HMCN2: variants seen among roughly 807,000 people sequenced by gnomAD.
The protein encoded by HMCN2 is hemicentin 2.
In HMCN2, 325 loss-of-function variants were observed where a neutral mutation model predicts 377.5. That is an observed-to-expected ratio of 0.86 (90% CI 0.79 to 0.94). HMCN2 has a LOEUF of 0.94. Among genes scored for constraint, HMCN2 ranks in the 40% least tolerant of loss-of-function variants. The pLI is 0.00. For missense variants in HMCN2, 4,543 were observed against 4,725.3 expected (o/e 0.96, Z 1.13); for synonymous variants, 2,007 against 2,046.8 (o/e 0.98, Z 0.53).
intron 11 of HMCN2, among the ~76,000 whole-genome samples, chr9:130,305,817 G>A (rs575201685): frequency 6.4e-4 from 98 of 152,292 alleles, no homozygotes; most frequent in African/African-American, 2.3e-3. Flanking sequence ...CCCAGCCCTG[G>A]TAGCTGCCTG....
At chr9:130,429,972 C>T (rs1029569103) in intron 94 of HMCN2, 3 of 597,608 alleles carry the variant, frequency 5.0e-6, no homozygotes, top group Non-Finnish European at 8.6e-6. Context: ...ACTGTGGAGG[C>T]AAGTGGGTGT....
At position 130,353,147 on chromosome 9, in the gene HMCN2, C is replaced by T. The variant is rs924614064; in HGVS notation, c.4806C>T (p.Thr1602=). 1.5e-6 allele frequency: 2 copies of T among 1,304,082 alleles called. No individual in the cohort carries two copies. The highest frequency in any genetic ancestry group is 1.5e-5 in the African/African-American group (1 of 65,884). The allele number at this position is 1,304,082 out of a possible 1,614,324, so 80.8% of individuals were successfully genotyped here. The change falls in exon 31 of 98, where the codon ACC becomes ACT. Residue 1602 remains threonine (T), a synonymous_variant. Coordinates refer to ENST00000683500, the MANE Select transcript of HMCN2 (RefSeq NM_001291815.2). ...AGAGCTCCGATGCCGGCGTCTACAC[C>T]TGCAAGGCCAGCAATGCTGTGGGGG... ...RAQSSDAGVY[T]CKASNAVGAA...
intron 75 of HMCN2, among the ~76,000 whole-genome samples, chr9:130,399,015 G>A (rs1333026266): frequency 6.6e-6 from 1 of 152,130 alleles, no homozygotes; most frequent in Non-Finnish European, 1.5e-5. Flanking sequence ...CACTTTGGGA[G>A]GCTGAGGTGG....
chr9:130,425,324 G>C (rs1844267549), intron 89 of HMCN2, among the ~76,000 whole-genome samples, 194 bp downstream of exon 89: 1 of 152,158 alleles, frequency 6.6e-6, no homozygotes, highest in African/African-American at 2.4e-5. Flanking sequence ...TTGAAGGGAT[G>C]CTCTGAGCCC....
intron 61 of HMCN2, among the ~76,000 whole-genome samples, chr9:130,387,990 G>A (rs1304058228): frequency 6.6e-6 from 1 of 152,234 alleles, no homozygotes; most frequent in African/African-American, 2.4e-5. Flanking sequence ...CCTTTCTGAT[G>A]GCTACATTGA....
chr9:130,352,579 A>G (rs951832743), intron 30 of HMCN2, among the ~76,000 whole-genome samples: 8 of 152,100 alleles, frequency 5.3e-5, no homozygotes, highest in Admixed American at 3.3e-4. Flanking sequence ...CCCTGTGTGA[A>G]GTCCTCATCT....
At chr9:130,346,113 C>T (rs1397664122) in intron 25 of HMCN2, among the ~76,000 whole-genome samples, 12 of 152,034 alleles carry the variant, frequency 7.9e-5, no homozygotes, top group Admixed American at 6.5e-4. Flanking sequence ...AGTGACGTGC[C>T]GATCTGCAAG....
In HMCN2 at chr9:130,362,077, C is replaced by A; in HGVS notation, c.6020C>A (p.Thr2007Asn). 1 of 986,072 alleles carries A rather than the reference C, an allele frequency of 1.0e-6. No individual in the cohort carries two copies. 61.1% of individuals were successfully genotyped at this position (986,072 alleles called of 1,614,324 possible). Residue 2007 changes from threonine (T) to asparagine (N), a missense_variant, in exon 39 of 98, where the codon ACC (threonine) becomes AAC (asparagine). By Grantham distance (65) the Thr-to-Asn change is moderately conservative (BLOSUM62 0). This residue lies in a region of HMCN2 where 1,032 missense variants were observed against 1,285.1 expected (regional missense o/e 0.80). Transcript: ENST00000683500. ...PVLVNTPVRL[T>N]CNATGAPSPT... Reference sequence around the variant, plus strand: ...TTGGTCAACACCCCTGTCCGGCTGACCTGCAATGCCACCGGTGCCCCCAGC... The same window carrying A: ...TTGGTCAACACCCCTGTCCGGCTGAACTGCAATGCCACCGGTGCCCCCAGC...
In HMCN2 at chr9:130,375,997, G is replaced by A. The variant is rs1045494352; in HGVS notation, c.7918+8G>A. On this transcript the variant is annotated splice_region_variant and intron_variant, in intron 51 of 97. Transcript: ENST00000683500. ...ACCATGTGGAAGTGCTCAGTGAGTC[G>A]GGGACCCTGGGGCACAGCCGGGTGG... 1.7e-4 allele frequency: 164 copies of A among 982,392 alleles called. No homozygotes were observed. The highest frequency in any genetic ancestry group is 5.2e-4 in the Middle Eastern group (1 of 1,932). The allele number at this position is 982,392 out of a possible 1,614,324, so 60.9% of individuals were successfully genotyped here. A position where few individuals can be genotyped will look rare whatever the true frequency, so the allele number is the denominator to read the frequency against.
chr9:130,378,218 G>A (rs375314041), intron 53 of HMCN2, among the ~76,000 whole-genome samples: 63 of 151,224 alleles, frequency 4.2e-4, no homozygotes, highest in African/African-American at 1.4e-3. Flanking sequence ...TCTTGCTTGC[G>A]TCAGTGTTTG....
At chr9:130,272,152 T>G (rs1834438224) in intron 1 of HMCN2, among the ~76,000 whole-genome samples, 1 of 149,480 alleles carries the variant, frequency 6.7e-6, no homozygotes, top group African/African-American at 2.4e-5. Flanking sequence ...TTCTTTTGCT[T>G]TTAGTCTTAA....
intron 36 of HMCN2, among the ~76,000 whole-genome samples, chr9:130,358,966 G>A (rs983530284): frequency 2.0e-5 from 3 of 152,216 alleles, no homozygotes; most frequent in African/African-American, 4.8e-5. Context: ...GAGCCACGGT[G>A]GGATTTTTAG....
Position 130,404,865 on chromosome 9 carries a change from G to A in HMCN2, c.12149-4G>A, listed in dbSNP as rs142154249. On this transcript the variant is annotated splice_region_variant and splice_polypyrimidine_tract_variant and intron_variant, in intron 80 of 97. Coordinates refer to ENST00000683500, the MANE Select transcript of HMCN2 (RefSeq NM_001291815.2). ...GTTCCGAGTGGGCCTCCCTCTGCCCGCAGTCCCACCAGTGATCGAGAATGG... is the reference window on the plus strand; with the variant it reads ...GTTCCGAGTGGGCCTCCCTCTGCCCACAGTCCCACCAGTGATCGAGAATGG... 496 of 1,238,168 alleles carry A rather than the reference G, an allele frequency of 4.0e-4. No homozygotes were observed. Among genetic ancestry groups the A allele is most frequent in the Middle Eastern group, 9.2e-4 (4 of 4,362 alleles). 76.7% of individuals were successfully genotyped at this position (1,238,168 alleles called of 1,614,324 possible). A position where few individuals can be genotyped will look rare whatever the true frequency, so the allele number is the denominator to read the frequency against.
At chr9:130,413,665 T>G (rs1052891399) in intron 85 of HMCN2, among the ~76,000 whole-genome samples, 4 of 152,124 alleles carry the variant, frequency 2.6e-5, no homozygotes, top group Non-Finnish European at 5.9e-5. Context: ...TTTTTGTCCC[T>G]TATATCCTGG....
At chr9:130,353,585 C>G (rs750241164) in intron 31 of HMCN2, among the ~76,000 whole-genome samples, 1 of 152,238 alleles carries the variant, frequency 6.6e-6, no homozygotes, top group Non-Finnish European at 1.5e-5. Context: ...TTTGCAGCAT[C>G]AGCTCATTTG....
rs1437796239 is a variant in HMCN2 at position 130,428,945 on chromosome 9, T to C, written c.14197+456T>C. On this transcript the variant is annotated intron_variant, in intron 93 of 97. Coordinates refer to ENST00000683500, the MANE Select transcript of HMCN2 (RefSeq NM_001291815.2). This position sits in a 1 kb window ranked among gnomAD's most constrained non-coding sequence, Gnocchi z 5.0. Reference sequence around the variant, plus strand: ...AGGTGCCACCCCTGGATGGGTGACCTCAATGGTCCTTCCTGCTCTAACAGT... The same window carrying C: ...AGGTGCCACCCCTGGATGGGTGACCCCAATGGTCCTTCCTGCTCTAACAGT... 1.3e-5 allele frequency among the ~76,000 whole-genome samples: 2 copies of C among 152,304 alleles called. No individual in the cohort carries two copies. The highest frequency in any genetic ancestry group is 4.8e-5 in the African/African-American group (2 of 41,566).
intron 60 of HMCN2, 34 bp from the exon 61 acceptor site, chr9:130,386,409 A>C: frequency 2.3e-6 from 3 of 1,282,330 alleles, no homozygotes; most frequent in Non-Finnish European, 3.1e-6. Context: ...TTCCAGCTCC[A>C]GCACACAGCC....
At chr9:130,313,649 G>A (rs1178965829) in intron 15 of HMCN2, among the ~76,000 whole-genome samples, 4 of 152,056 alleles carry the variant, frequency 2.6e-5, no homozygotes, top group African/African-American at 7.2e-5. Flanking sequence ...ACCAGCGCTC[G>A]GTGAGGTGGG....
At chr9:130,277,866 C>G (rs1312326221) in intron 1 of HMCN2, among the ~76,000 whole-genome samples, 7 of 26,226 alleles carry the variant, frequency 2.7e-4, no homozygotes, top group African/African-American at 9.6e-4. Context: ...CCACCATCAT[C>G]ATCATCACCA....
Sources: allele counts gnomAD v4.1 joint callset (sites outside exome capture counted in the v4.1 genomes callset), GRCh38; gene constraint gnomAD v4.1.1; regional missense constraint gnomAD v4.1.1; non-coding constraint Gnocchi (gnomAD v3.1); transcripts MANE v1.5; gene names NCBI Gene and HGNC (gene_info 2026-07-23, HGNC 2026-07-21).